The following SEMA5B variants were observed in gnomAD, a reference collection of about 807,000 sequenced individuals.
SEMA5B encodes semaphorin 5B.
In SEMA5B, 66 loss-of-function variants were observed where a neutral mutation model predicts 135.0. That is an observed-to-expected ratio of 0.49 (90% confidence interval 0.40 to 0.60). The LOEUF (loss-of-function observed/expected upper bound fraction) is 0.60. Among genes scored for constraint, SEMA5B ranks in the 20% least tolerant of loss-of-function variants. The pLI, the probability that SEMA5B is intolerant of heterozygous loss-of-function variation, is 0.00. For synonymous variants in SEMA5B, 690 were observed against 639.5 expected, an observed-to-expected ratio of 1.08 and a Z score of -1.19; for missense variants, 1,501 against 1,566.3, an observed-to-expected ratio of 0.96 and a Z score of 0.70.
At chr3:122,933,220 C>T (rs1450400136) in intron 5 of SEMA5B, among the ~76,000 whole-genome samples, 3 of 151,820 alleles carry the variant, frequency 2.0e-5, no homozygotes, top group African/African-American at 7.3e-5. Context: ...TTGATTTATT[C>T]GCTTATTTTG....
intron 2 of SEMA5B, among the ~76,000 whole-genome samples, chr3:122,957,791 C>G (rs543947367): frequency 6.6e-6 from 1 of 152,346 alleles, no homozygotes; most frequent in South Asian, 2.1e-4. Flanking sequence ...CGACTGTCTG[C>G]TGCATAAGCC....
chr3:123,000,408 C>T lies in SEMA5B; in HGVS notation c.-39+27056G>A, dbSNP rs140942151. Among the ~76,000 whole-genome samples, 1,211 of 152,220 alleles carry T rather than the reference C, an allele frequency of 8.0e-3. 18 individuals carry two copies. The highest frequency in any genetic ancestry group is 0.028 in the African/African-American group (1,163 of 41,512). ...CATCATGAGGCAAGTGCCAGGACAA[C>T]AGTTTCAACCTGAGGCCAAAGGGGT... On this transcript the variant is annotated intron_variant, in intron 1 of 22. Coordinates refer to ENST00000357599, the MANE Select transcript of SEMA5B (RefSeq NM_001031702.4).
intron 10 of SEMA5B, among the ~76,000 whole-genome samples, chr3:122,922,988 G>A (rs990700126): frequency 7.2e-5 from 11 of 152,224 alleles, no homozygotes; most frequent in African/African-American, 2.4e-4. Flanking sequence ...GACTGAAGGA[G>A]GTTGGATGAC....
chr3:122,969,908 C>A (rs1407887058), intron 1 of SEMA5B, among the ~76,000 whole-genome samples: 1 of 152,276 alleles, frequency 6.6e-6, no homozygotes, highest in South Asian at 2.1e-4. Flanking sequence ...GAATTCACAA[C>A]ACTTCAAGCC....
At chr3:122,979,736 G>A (rs958773131) in intron 1 of SEMA5B, among the ~76,000 whole-genome samples, 35 of 152,156 alleles carry the variant, frequency 2.3e-4, no homozygotes, top group Non-Finnish European at 1.5e-4. Context: ...TCCCAAGGCC[G>A]GGACCGTGTT....
intron 3 of SEMA5B, among the ~76,000 whole-genome samples, chr3:122,945,991 C>T (rs781289746): frequency 3.3e-5 from 5 of 152,080 alleles, no homozygotes; most frequent in Non-Finnish European, 7.4e-5. Context: ...AACCAGCCTG[C>T]TCGTATTAAA....
intron 1 of SEMA5B, among the ~76,000 whole-genome samples, chr3:122,997,051 C>T (rs377197997): frequency 2.0e-5 from 3 of 149,988 alleles, no homozygotes; most frequent in African/African-American, 7.6e-5. Context: ...TGCCCTGGCT[C>T]CACCTTCCCT....
intron 4 of SEMA5B, among the ~76,000 whole-genome samples, chr3:122,940,654 C>A (rs540842094): frequency 1.3e-5 from 2 of 152,328 alleles, no homozygotes; most frequent in South Asian, 4.1e-4. Flanking sequence ...CTGAAGGAAT[C>A]CAGAGCCGGA....
chr3:122,916,522 C>T (rs1447666152), intron 12 of SEMA5B, among the ~76,000 whole-genome samples: 1 of 152,194 alleles, frequency 6.6e-6, no homozygotes, highest in Non-Finnish European at 1.5e-5. Context: ...ATCCACTATA[C>T]AACCTTTTCA....
At chr3:123,001,557 A>G (rs1361065492) in intron 1 of SEMA5B, among the ~76,000 whole-genome samples, 1 of 152,196 alleles carries the variant, frequency 6.6e-6, no homozygotes, top group East Asian at 1.9e-4. Context: ...CATAATTCCC[A>G]GTGACCAAAA....
intron 1 of SEMA5B, among the ~76,000 whole-genome samples, chr3:122,970,676 A>G (rs1941073605): frequency 6.6e-6 from 1 of 152,212 alleles, no homozygotes; most frequent in Non-Finnish European, 1.5e-5. Context: ...CATCTCGTTT[A>G]ATCATCACAG....
At chr3:123,014,359 T>C (rs1251921230) in intron 1 of SEMA5B, among the ~76,000 whole-genome samples, 1 of 152,126 alleles carries the variant, frequency 6.6e-6, no homozygotes, top group Non-Finnish European at 1.5e-5. Flanking sequence ...GCAAAGCGCA[T>C]CTCCTCCACT....
chr3:122,955,659 G>A (rs1322403913), intron 2 of SEMA5B, among the ~76,000 whole-genome samples: 1 of 152,220 alleles, frequency 6.6e-6, no homozygotes, highest in East Asian at 1.9e-4. Context: ...CTGAGCTTGG[G>A]AGGCTGCTCT....
At position 122,927,938 on chromosome 3, in the gene SEMA5B, G is replaced by T; in HGVS notation, c.702C>A (p.Arg234=). 6.3e-7 allele frequency: 1 copy of T among 1,590,090 alleles called. No homozygotes were observed. Among genetic ancestry groups the T allele is most frequent in the Non-Finnish European group, 8.6e-7 (1 of 1,167,408 alleles). Residue 234 remains arginine, a synonymous_variant, in exon 8 of 23, where the codon CGC becomes CGA. Transcript: ENST00000357599. ...NGVARCPYDP[R]HNSTAVISSQ... ...AGGAGATGACAGCTGTGGAGTTGTG[G>T]CGTGGGTCATAGGGGCAGCGGGCCA...
chr3:122,911,084 G>T, intron 21 of SEMA5B, 39 bp from the exon 22 acceptor site: 1 of 1,533,716 alleles, frequency 6.5e-7, no homozygotes, highest in Non-Finnish European at 8.9e-7. Context: ...GAGGGCCACT[G>T]TGAAGAGGAC....
chr3:122,961,464 CTT>C (rs111407084), intron 1 of SEMA5B, among the ~76,000 whole-genome samples, 163 bp from the exon 2 acceptor site: 5 of 145,098 alleles, frequency 3.4e-5, no homozygotes, highest in African/African-American at 5.0e-5. Flanking sequence ...TTGAAACAAA[CTT>C]TTTTTTTTTT....
chr3:123,026,726 G>T (rs904143378), intron 1 of SEMA5B, among the ~76,000 whole-genome samples: 1 of 152,228 alleles, frequency 6.6e-6, no homozygotes, highest in Non-Finnish European at 1.5e-5. Context: ...AAAGTGAATG[G>T]GCAGCCCCAA....
chr3:122,913,955 A>G lies in SEMA5B; in HGVS notation c.2035T>C (p.Ser679Pro). Residue 679 changes from serine (S) to proline (P), a missense_variant, in exon 15 of 23, where the codon TCC becomes CCC. Physicochemically the swap from Ser to Pro is moderately conservative, Grantham distance 74. This residue lies in a region of SEMA5B where 927 missense variants were observed against 881.6 expected (regional missense o/e 1.05). Transcript: ENST00000357599. ...PWSSWALCST[S>P]CGIGFQVRQR... The stretch of plus-strand genomic sequence containing the variant: ...CGGACCTGGAAGCCGATGCCACAGG[A>G]CGTGCTGCACAGCGCCCACGATGAC... 2 of 1,611,712 alleles carry G rather than the reference A, an allele frequency of 1.2e-6. No homozygotes were observed. The highest frequency in any genetic ancestry group is 8.5e-7 in the Non-Finnish European group (1 of 1,179,538).
chr3:122,930,397 T>C (rs941492892), intron 5 of SEMA5B, among the ~76,000 whole-genome samples: 1 of 152,220 alleles, frequency 6.6e-6, no homozygotes, highest in Non-Finnish European at 1.5e-5. Flanking sequence ...GCCACGGTGT[T>C]CATCTGGACA....
Sources: gnomAD v4.1 joint callset for allele counts (sites outside exome capture counted in the v4.1 genomes callset) on GRCh38, gnomAD v4.1.1 for gene constraint, gnomAD v4.1.1 regional missense constraint, MANE v1.5 for transcripts, NCBI Gene and HGNC (gene_info 2026-07-23, HGNC 2026-07-21) for gene names.